HDAC9: variants seen among roughly 807,000 people sequenced by gnomAD.
HDAC9 encodes histone deacetylase 9.
In HDAC9, 41 loss-of-function variants were observed where a neutral mutation model predicts 139.4. The observed-to-expected ratio is 0.29, with a 90% CI of 0.23 to 0.38. HDAC9 has a LOEUF of 0.38. Ranked by LOEUF, HDAC9 falls within the 10% of genes least tolerant of loss-of-function variation. The pLI is 1.00. For synonymous variants in HDAC9, 517 were observed against 476.2 expected (o/e 1.09, Z -1.12); for missense variants, 1,147 against 1,297.0 (o/e 0.88, Z 1.78).
At chr7:18,462,460 C>A (rs559921004) in intron 1 of HDAC9, among the ~76,000 whole-genome samples, 47 of 152,112 alleles carry the variant, frequency 3.1e-4, no homozygotes, top group African/African-American at 1.1e-3. Flanking sequence ...TAGTTCTTAA[C>A]CCCCAGATGA....
intron 1 of HDAC9, among the ~76,000 whole-genome samples, chr7:18,101,560 G>A (rs1317289342): frequency 6.6e-6 from 1 of 151,944 alleles, no homozygotes; most frequent in Non-Finnish European, 1.5e-5. Context: ...TCATTTTGGC[G>A]ACTACTTAAG....
intron 1 of HDAC9, among the ~76,000 whole-genome samples, chr7:18,141,272 A>T (rs1283228976): frequency 6.6e-6 from 1 of 152,144 alleles, no homozygotes; most frequent in Non-Finnish European, 1.5e-5. Flanking sequence ...TTTAAAAAAC[A>T]TTTTTTCCCT....
intron 1 of HDAC9, among the ~76,000 whole-genome samples, chr7:18,120,625 C>T (rs1040061466): frequency 1.2e-4 from 18 of 151,792 alleles, no homozygotes; most frequent in African/African-American, 3.9e-4. Flanking sequence ...GGAGAAAAGA[C>T]AGGGGGTTTG....
chr7:18,982,655 G>A (rs763591659), intron 25 of HDAC9, among the ~76,000 whole-genome samples: 47 of 151,964 alleles, frequency 3.1e-4, no homozygotes, highest in Non-Finnish European at 5.6e-4. Flanking sequence ...TCCCTCCAGA[G>A]GTAACTACCG....
intron 21 of HDAC9, among the ~76,000 whole-genome samples, chr7:18,839,591 T>C (rs991231994): frequency 6.6e-6 from 1 of 152,052 alleles, no homozygotes; most frequent in Non-Finnish European, 1.5e-5. Flanking sequence ...AATGGGAGCA[T>C]TGTCAAGCTC....
intron 22 of HDAC9, among the ~76,000 whole-genome samples, chr7:18,915,642 A>C (rs1395177640): frequency 6.7e-5 from 3 of 44,456 alleles, no homozygotes; most frequent in Non-Finnish European, 1.5e-4. Flanking sequence ...TCTTTCTGCC[A>C]TTGTTAAAAA....
At chr7:18,855,062 T>A (rs1585160359) in intron 21 of HDAC9, among the ~76,000 whole-genome samples, 1 of 151,974 alleles carries the variant, frequency 6.6e-6, no homozygotes, top group Non-Finnish European at 1.5e-5. Context: ...ATTTCAGAGG[T>A]AGTATGAATT....
chr7:18,468,828 T>C (rs1794503667), intron 1 of HDAC9, among the ~76,000 whole-genome samples: 1 of 152,360 alleles, frequency 6.6e-6, no homozygotes, highest in East Asian at 1.9e-4. Context: ...CATTTCTAAG[T>C]GCCAGATATT....
At chr7:18,400,858 A>G (rs1401490634) in intron 1 of HDAC9, among the ~76,000 whole-genome samples, 1 of 152,192 alleles carries the variant, frequency 6.6e-6, no homozygotes, top group Non-Finnish European at 1.5e-5. Context: ...CCACGTCTGC[A>G]TTTTGTGAAA....
At chr7:18,713,703 C>A (rs1309483210) in intron 12 of HDAC9, among the ~76,000 whole-genome samples, 1 of 151,958 alleles carries the variant, frequency 6.6e-6, no homozygotes, top group Non-Finnish European at 1.5e-5. Flanking sequence ...GTGCATAATT[C>A]TGCATAAGGA....
In HDAC9 at chr7:18,590,977, A is replaced by C. The variant is rs370264725; in HGVS notation, c.415+491A>C. On this transcript the variant is annotated intron_variant, in intron 4 of 25. Coordinates refer to ENST00000686413, the MANE Select transcript of HDAC9 (RefSeq NM_178425.4). ...CAGATCCAAATAATTCCCCTGTATT[A>C]GGTCAGTTCAAAATCAGGTCGTAGC... Among the ~76,000 whole-genome samples the C allele has an allele frequency of 2.6e-5, 4 of 152,336 alleles. No homozygotes were observed. The East Asian group carries it at 5.8e-4, about 22-fold the overall frequency.
chr7:18,273,056 GTTTTTTTTTTTT>G (rs746089054), intron 2 of HDAC9, among the ~76,000 whole-genome samples: 2,215 of 84,772 alleles, frequency 0.026, 50 homozygotes, highest in Middle Eastern at 0.039. Flanking sequence ...CCCCTTCTTC[GTTTTTTTTTTTT>G]TTTTTTTTTT....
chr7:18,631,513 A>C (rs921833194), intron 7 of HDAC9, among the ~76,000 whole-genome samples: 6 of 152,066 alleles, frequency 3.9e-5, no homozygotes, highest in African/African-American at 1.4e-4. Flanking sequence ...GTATCTAGTC[A>C]GAGACTATCA....
At chr7:18,643,646 A>G (rs1356902563) in intron 8 of HDAC9, among the ~76,000 whole-genome samples, 1 of 152,094 alleles carries the variant, frequency 6.6e-6, no homozygotes, top group Non-Finnish European at 1.5e-5. Flanking sequence ...AGGTTTGTCC[A>G]GGGGAAAATC....
At chr7:18,943,088 C>T (rs922355012) in intron 23 of HDAC9, among the ~76,000 whole-genome samples, 6 of 151,974 alleles carry the variant, frequency 3.9e-5, no homozygotes, top group African/African-American at 1.4e-4. Context: ...AACTTACTTG[C>T]AGAAACAGGG....
intron 13 of HDAC9, among the ~76,000 whole-genome samples, chr7:18,748,092 A>G (rs1788137432): frequency 6.6e-6 from 1 of 152,188 alleles, no homozygotes. Flanking sequence ...CAATTTTGCA[A>G]GTAACATGTT....
At chr7:18,472,428 C>G (rs750818703) in intron 1 of HDAC9, among the ~76,000 whole-genome samples, 2 of 152,122 alleles carry the variant, frequency 1.3e-5, no homozygotes, top group African/African-American at 4.8e-5. Context: ...CTCCCACATG[C>G]GCAACCCCCG....
intron 6 of HDAC9, among the ~76,000 whole-genome samples, chr7:18,627,353 C>T (rs1199763447): frequency 6.6e-6 from 1 of 152,098 alleles, no homozygotes; most frequent in Non-Finnish European, 1.5e-5. Flanking sequence ...CTATGATTTC[C>T]TATGGTTATT....
intron 12 of HDAC9, among the ~76,000 whole-genome samples, chr7:18,706,656 A>G (rs1783947172): frequency 6.6e-6 from 1 of 152,172 alleles, no homozygotes; most frequent in South Asian, 2.1e-4. Flanking sequence ...ATGTCTAGAG[A>G]CATTTTTAAT....
Sources: allele counts gnomAD v4.1 joint callset (sites outside exome capture counted in the v4.1 genomes callset), GRCh38; gene constraint gnomAD v4.1.1; transcripts MANE v1.5; gene names NCBI Gene and HGNC (gene_info 2026-07-23, HGNC 2026-07-21).